TLX3: variants seen among roughly 807,000 people sequenced by gnomAD.
TLX3 encodes the protein T-cell leukemia homeobox protein 3.
Under a neutral mutation model 19.6 loss-of-function variants are expected in TLX3, and 11 were observed. The observed-to-expected ratio is 0.56, with a 90% CI of 0.35 to 0.93. The LOEUF is 0.93. Ranked by LOEUF, TLX3 falls within the 40% of genes least tolerant of loss-of-function variation. The probability of loss-of-function intolerance (pLI) is 0.01; values close to 1 mark genes in which losing one functional copy is unlikely to be tolerated. For synonymous variants in TLX3, 221 were observed against 188.1 expected, an observed-to-expected ratio of 1.17 and a Z score of -1.43; for missense variants, 375 against 418.6, an observed-to-expected ratio of 0.90 and a Z score of 0.91.
Position 171,311,037 on chromosome 5 carries a change from C to T in TLX3, c.666-352C>T, listed in dbSNP as rs1769210421. ...AGAGCCAGCCTGCTCACCCGCGGAC[C>T]CCAGCGACCCCGGTTCCCGCAGGGC... is the stretch of plus-strand genomic sequence containing the variant. On this transcript the variant is annotated intron_variant, in intron 2 of 2. Coordinates refer to ENST00000296921, the MANE Select transcript of TLX3 (RefSeq NM_021025.4). The surrounding 1 kb of genome is among the most constrained non-coding windows in gnomAD (Gnocchi z 5.1). Among the ~76,000 whole-genome samples the T allele has an allele frequency of 6.6e-6, 1 of 152,032 alleles. No individual in the cohort carries two copies. The highest frequency in any genetic ancestry group is 2.4e-5 in the African/African-American group (1 of 41,412).
Position 171,309,338 on chromosome 5 carries a change from C to T in TLX3, c.-28C>T. ...GGGACCCAGCCGCCTCCCCGCCCAG[C>T]CCAGCCCAGCCCTTCCGCCCGCCCA... On this transcript the variant is annotated 5_prime_UTR_variant, in exon 1 of 3. Coordinates refer to ENST00000296921, the MANE Select transcript of TLX3 (RefSeq NM_021025.4). The T allele has an allele frequency of 1.5e-6, 2 of 1,322,344 alleles. No homozygotes were observed. Among genetic ancestry groups the T allele is most frequent in the African/African-American group, 1.5e-5 (1 of 65,710 alleles). The allele number at this position is 1,322,344 out of a possible 1,614,324, so 81.9% of individuals were successfully genotyped here. A position where few individuals can be genotyped will look rare whatever the true frequency, so the allele number is the denominator to read the frequency against.
At position 171,309,615 on chromosome 5, in the gene TLX3, C is replaced by G. The variant is rs1581210278; in HGVS notation, c.250C>G (p.Pro84Ala). The G allele has an allele frequency of 6.2e-7, 1 of 1,607,104 alleles. No homozygotes were observed. The highest frequency in any genetic ancestry group is 8.5e-7 in the Non-Finnish European group (1 of 1,177,658). The part of the protein sequence containing the change: ...GSYSVNLSLA[P>A]AGVIRVPAHR... ...TTACAGTGTGAACCTGAGCCTAGCG[C>G]CCGCAGGCGTGATCCGGGTGCCGGC... is the stretch of plus-strand genomic sequence containing the variant. The change falls in exon 1 of 3, where the codon CCC becomes GCC. Residue 84 changes from proline (P) to alanine (A), a missense_variant. Pro to Ala is a conservative substitution (Grantham distance 27, BLOSUM62 -1). Coordinates refer to ENST00000296921, the MANE Select transcript of TLX3 (RefSeq NM_021025.4).
chr5:171,311,967 G>C lies in TLX3; in HGVS notation c.*368G>C. ...GTTTTGGCTTTTTTCTTTAGAAACC[G>C]GCCACCTGCTTCCCCCGCGGGGGCC... On this transcript the variant is annotated 3_prime_UTR_variant, in exon 3 of 3. Coordinates refer to ENST00000296921, the MANE Select transcript of TLX3 (RefSeq NM_021025.4). This position sits in a 1 kb window ranked among gnomAD's most constrained non-coding sequence, Gnocchi z 5.1. 5.1e-6 allele frequency: 1 copy of C among 197,894 alleles called. No individual in the cohort carries two copies. The highest frequency in any genetic ancestry group is 1.0e-5 in the Non-Finnish European group (1 of 95,308). The allele number at this position is 197,894 out of a possible 1,614,324, so 12.3% of individuals were successfully genotyped here. A position where few individuals can be genotyped will look rare whatever the true frequency, so the allele number is the denominator to read the frequency against.
At chr5:171,310,111 G>A (rs1469429598) in intron 1 of TLX3, 39 bp from the exon 2 acceptor site, 1 of 1,537,116 alleles carries the variant, frequency 6.5e-7, no homozygotes, top group Non-Finnish European at 8.8e-7. Flanking sequence ...CGGTGGCGGA[G>A]CCGGGCTGGG....
intron 1 of TLX3, among the ~76,000 whole-genome samples, 176 bp from the exon 2 acceptor site, chr5:171,309,974 G>T (rs991261276): frequency 2.6e-5 from 4 of 152,246 alleles, no homozygotes; most frequent in Admixed American, 6.5e-5. Flanking sequence ...GCCCGTGCCC[G>T]GGGGAAGGGA....
At position 171,309,736 on chromosome 5, in the gene TLX3, A is replaced by G. The variant is rs978546513; in HGVS notation, c.371A>G (p.Asn124Ser). The change falls in exon 1 of 3, where the codon AAT becomes AGT. Residue 124 changes from asparagine to serine, a missense_variant. Coordinates refer to ENST00000296921, the MANE Select transcript of TLX3 (RefSeq NM_021025.4). ...ACGGTCTCCAGCCTTGGCGGTCTCAATTTCCCCTGGATGGAGAGCAGCCGC... is the reference window on the plus strand; with the variant it reads ...ACGGTCTCCAGCCTTGGCGGTCTCAGTTTCCCCTGGATGGAGAGCAGCCGC... Reference protein sequence around the residue: ...VPTVSSLGGLNFPWMESSRRF... With the variant: ...VPTVSSLGGLSFPWMESSRRF... The G allele has an allele frequency of 6.2e-6, 10 of 1,610,188 alleles. No individual in the cohort carries two copies. The African/African-American group carries it at 8.0e-5, about 13-fold the overall frequency.
At chr5:171,310,414 C>G (rs1769200346) in intron 2 of TLX3, 21 bp downstream of exon 2, 1 of 1,610,004 alleles carries the variant, frequency 6.2e-7, no homozygotes, top group East Asian at 2.2e-5. Flanking sequence ...CCTGACCCGG[C>G]CCACCTTACA....
At position 171,311,338 on chromosome 5, in the gene TLX3, C is replaced by T. The variant is rs1240354002; in HGVS notation, c.666-51C>T. 2.7e-6 allele frequency: 4 copies of T among 1,501,196 alleles called. No homozygotes were observed. 93.0% of individuals were successfully genotyped at this position (1,501,196 alleles called of 1,614,324 possible). A position where few individuals can be genotyped will look rare whatever the true frequency, so the allele number is the denominator to read the frequency against. ...GAGGGCCGGGGCCCCGCCGGCGGCC[C>T]CGCGGTGCCGGGTGCATGACGGTAC... On this transcript the variant is annotated intron_variant, in intron 2 of 2. Transcript: ENST00000296921. This position sits in a 1 kb window ranked among gnomAD's most constrained non-coding sequence, Gnocchi z 5.1.
Position 171,309,485 on chromosome 5 carries a change from C to T in TLX3, c.120C>T (p.Gly40=). The change falls in exon 1 of 3, where the codon GGC becomes GGT. Residue 40 remains glycine, a synonymous_variant. Coordinates refer to ENST00000296921, the MANE Select transcript of TLX3 (RefSeq NM_021025.4). ...DSAPAPRGPD[G]ASYLGGPPGG... The stretch of plus-strand genomic sequence containing the variant: ...CACCCGCCCCGCGGGGCCCCGACGG[C>T]GCCAGCTACCTGGGAGGGCCCCCCG... The T allele has an allele frequency of 1.3e-6, 2 of 1,587,410 alleles. No homozygotes were observed. Among genetic ancestry groups the T allele is most frequent in the Middle Eastern group, 1.7e-4 (1 of 5,900 alleles).
chr5:171,311,241 C>A lies in TLX3; in HGVS notation c.666-148C>A. On this transcript the variant is annotated intron_variant, in intron 2 of 2. Transcript: ENST00000296921. This position sits in a 1 kb window ranked among gnomAD's most constrained non-coding sequence, Gnocchi z 5.1. The stretch of plus-strand genomic sequence containing the variant: ...ACCGGCTCCCTGGATATAAGAGCCT[C>A]GGGCGTAAAGCGCGGGCTGGGAGGC... 1.6e-6 allele frequency: 1 copy of A among 642,394 alleles called. No homozygotes were observed. Among genetic ancestry groups the A allele is most frequent in the Non-Finnish European group, 2.6e-6 (1 of 378,432 alleles). The allele number at this position is 642,394 out of a possible 1,614,324, so 39.8% of individuals were successfully genotyped here.
Position 171,309,766 on chromosome 5 carries a change from T to C in TLX3, c.401T>C (p.Phe134Ser). Residue 134 changes from phenylalanine (F) to serine (S), a missense_variant, in exon 1 of 3, where the codon TTC becomes TCC. Phe to Ser is a radical substitution (Grantham distance 155, BLOSUM62 -2). This residue lies in a region of TLX3 where 239 missense variants were observed against 217.0 expected (regional missense o/e 1.10). Coordinates refer to ENST00000296921, the MANE Select transcript of TLX3 (RefSeq NM_021025.4). ...CCCTGGATGGAGAGCAGCCGCCGCT[T>C]CGTGAAAGACCGCTTCACAGGTGAG... ...NFPWMESSRR[F>S]VKDRFTAAAA... 1 of 1,606,358 alleles carries C rather than the reference T, an allele frequency of 6.2e-7. No homozygotes were observed. Among genetic ancestry groups the C allele is most frequent in the Non-Finnish European group, 8.5e-7 (1 of 1,176,654 alleles).
chr5:171,309,351 T>G lies in TLX3; in HGVS notation c.-15T>G. 1.4e-6 allele frequency: 1 copy of G among 730,506 alleles called. No homozygotes were observed. The allele number at this position is 730,506 out of a possible 1,614,324, so 45.3% of individuals were successfully genotyped here. ...CTCCCCGCCCAGCCCAGCCCAGCCC[T>G]TCCGCCCGCCCAGGATGGAGGCGCC... On this transcript the variant is annotated 5_prime_UTR_variant, in exon 1 of 3. Coordinates refer to ENST00000296921, the MANE Select transcript of TLX3 (RefSeq NM_021025.4).
At position 171,312,090 on chromosome 5, in the gene TLX3, CT is replaced by C. The variant is rs1231401488; in HGVS notation, c.*495del. ...GGTCCACTCTTCTTCTTTTCCGTTC[CT>C]TTTATTTAAGTCTTTTTATTTAATA... On this transcript the variant is annotated 3_prime_UTR_variant, in exon 3 of 3. Coordinates refer to ENST00000296921, the MANE Select transcript of TLX3 (RefSeq NM_021025.4). 3.8e-5 allele frequency: 7 copies of C among 182,888 alleles called. No homozygotes were observed. The highest frequency in any genetic ancestry group is 7.0e-5 in the Non-Finnish European group (6 of 85,496). 11.3% of individuals were successfully genotyped at this position (182,888 alleles called of 1,614,324 possible).
rs1165028501 is a variant in TLX3, at chr5:171,311,295, G to A, written c.666-94G>A. The A allele has an allele frequency of 7.8e-6, 9 of 1,153,456 alleles. No homozygotes were observed. The South Asian group carries it at 1.4e-4, about 19-fold the overall frequency. 71.5% of individuals were successfully genotyped at this position (1,153,456 alleles called of 1,614,324 possible). ...CGGGTTCTGCGCCTCGAGGCTCCCG[G>A]ATGGCCTCGGCTCCCGGGAGGGCCG... On this transcript the variant is annotated intron_variant, in intron 2 of 2. Transcript: ENST00000296921. This position sits in a 1 kb window ranked among gnomAD's most constrained non-coding sequence, Gnocchi z 5.1.
chr5:171,311,843 G>GA lies in TLX3; in HGVS notation c.*247dup. 1 of 342,088 alleles carries GA rather than the reference G, an allele frequency of 2.9e-6. No homozygotes were observed. Among genetic ancestry groups the GA allele is most frequent in the South Asian group, 1.3e-4 (1 of 7,726 alleles). 21.2% of individuals were successfully genotyped at this position (342,088 alleles called of 1,614,324 possible). A position where few individuals can be genotyped will look rare whatever the true frequency, so the allele number is the denominator to read the frequency against. On this transcript the variant is annotated 3_prime_UTR_variant, in exon 3 of 3. Transcript: ENST00000296921. The surrounding 1 kb of genome is among the most constrained non-coding windows in gnomAD (Gnocchi z 5.1). ...CCCGCCCCAGGCCCGGGCCTGACAA[G>GA]AAAGCGCCTTACGTTTCTCCGCCCC... is the stretch of plus-strand genomic sequence containing the variant.
chr5:171,309,820 C>T (rs117020618), intron 1 of TLX3, 34 bp downstream of exon 1: 144,231 of 1,534,274 alleles, frequency 0.094, 7,885 homozygotes, highest in Admixed American at 0.2. Context: ...TCCAGGCCTC[C>T]GCCCTCTCGG....
In TLX3 at chr5:171,311,659, C is replaced by A. The variant is rs576901747; in HGVS notation, c.*60C>A. The A allele has an allele frequency of 4.3e-4, 585 of 1,370,336 alleles. 1 individual carries two copies. The highest frequency in any genetic ancestry group is 1.2e-3 in the African/African-American group (78 of 67,684). 84.9% of individuals were successfully genotyped at this position (1,370,336 alleles called of 1,614,324 possible). A position where few individuals can be genotyped will look rare whatever the true frequency, so the allele number is the denominator to read the frequency against. ...CCCCCACCCAGCCGGGCGCCCCGGA[C>A]CCCCCAGGCGGGCTGCGGGGGAACC... On this transcript the variant is annotated 3_prime_UTR_variant, in exon 3 of 3. Coordinates refer to ENST00000296921, the MANE Select transcript of TLX3 (RefSeq NM_021025.4). This position sits in a 1 kb window ranked among gnomAD's most constrained non-coding sequence, Gnocchi z 5.1.
chr5:171,309,806 A>T lies in TLX3; in HGVS notation c.421+20A>T. On this transcript the variant is annotated intron_variant, in intron 1 of 2. Coordinates refer to ENST00000296921, the MANE Select transcript of TLX3 (RefSeq NM_021025.4). ...TCACAGGTGAGCAGAGCTGGCGACC[A>T]GGCTCCAGGCCTCCGCCCTCTCGGG... The T allele has an allele frequency of 6.4e-7, 1 of 1,565,260 alleles. No individual in the cohort carries two copies.
At position 171,310,343 on chromosome 5, in the gene TLX3, G is replaced by A. The variant is rs1769199494; in HGVS notation, c.615G>A (p.Met205Ile). 1.9e-6 allele frequency: 3 copies of A among 1,613,436 alleles called. No homozygotes were observed. The East Asian group carries it at 6.7e-5, about 36-fold the overall frequency. ...ERAALAKSLK[M>I]TDAQVKTWFQ... Reference sequence around the variant, plus strand: ...CGGCGCTCGCCAAGTCCCTCAAAATGACGGACGCGCAGGTCAAGACCTGGT... The same window carrying A: ...CGGCGCTCGCCAAGTCCCTCAAAATAACGGACGCGCAGGTCAAGACCTGGT... The change falls in exon 2 of 3, where the codon ATG becomes ATA. Residue 205 changes from methionine (M) to isoleucine (I), a missense_variant. Transcript: ENST00000296921.
Sources: gnomAD v4.1 joint callset for allele counts (sites outside exome capture counted in the v4.1 genomes callset) on GRCh38, gnomAD v4.1.1 for gene constraint, gnomAD v4.1.1 regional missense constraint, Gnocchi (gnomAD v3.1) non-coding constraint, MANE v1.5 for transcripts, NCBI Gene and HGNC (gene_info 2026-07-23, HGNC 2026-07-21) for gene names.